NDUFA10: variants seen among roughly 807,000 people sequenced by gnomAD.
The protein encoded by NDUFA10 is NADH:ubiquinone oxidoreductase subunit A10.
In NDUFA10, 40 loss-of-function variants were observed where a neutral mutation model predicts 47.8. The ratio of observed to expected loss-of-function variants is 0.84; its 90% CI spans 0.65 to 1.09. The LOEUF (loss-of-function observed/expected upper bound fraction) is 1.09, where lower values mean the gene tolerates loss of function less well. Ranked by LOEUF, NDUFA10 falls within the 50% of genes least tolerant of loss-of-function variation. NDUFA10 has a pLI of 0.00. For missense variants in NDUFA10, 413 were observed against 451.1 expected (o/e 0.92, Z 0.76); for synonymous variants, 183 against 172.2 (o/e 1.06, Z -0.49).
At position 239,960,357 on chromosome 2, in the gene NDUFA10, C is replaced by G; in HGVS notation, c.*761G>C. 1 of 985,500 alleles carries G rather than the reference C, an allele frequency of 1.0e-6. No individual in the cohort carries two copies. Among genetic ancestry groups the G allele is most frequent in the Non-Finnish European group, 1.2e-6 (1 of 830,000 alleles). 61.0% of individuals were successfully genotyped at this position (985,500 alleles called of 1,614,324 possible). A position where few individuals can be genotyped will look rare whatever the true frequency, so the allele number is the denominator to read the frequency against. The stretch of plus-strand genomic sequence containing the variant: ...CTCATTTCTCAGTTTTGACTGGCAA[C>G]TTGATTTTCTGGGTAATAAAGAGAG... On this transcript the variant is annotated 3_prime_UTR_variant, in exon 10 of 10. Coordinates refer to ENST00000252711, the MANE Select transcript of NDUFA10 (RefSeq NM_004544.4).
At position 239,906,171 on chromosome 2, in the gene NDUFA10, C is replaced by T. The variant is rs1171285287; in HGVS notation, c.295-10857G>A. 6.6e-6 allele frequency among the ~76,000 whole-genome samples: 1 copy of T among 152,114 alleles called. No homozygotes were observed. The highest frequency in any genetic ancestry group is 1.5e-5 in the Non-Finnish European group (1 of 68,026). ...CTCTGTGCCTAGATATTTCACACTC[C>T]AGCACACCTTTTAACAAGAACCCCC... On this transcript the variant is annotated intron_variant, in intron 4 of 5. Transcript: ENST00000419408. This position sits in a 1 kb window ranked among gnomAD's most constrained non-coding sequence, Gnocchi z 4.3.
At chr2:239,909,612 C>A (rs548745951) in intron 4 of NDUFA10, among the ~76,000 whole-genome samples, 6 of 152,056 alleles carry the variant, frequency 3.9e-5, no homozygotes, top group African/African-American at 1.4e-4. Context: ...GACTCCATCT[C>A]AAAAACAAAA....
Position 239,960,308 on chromosome 2 carries a change from G to C in NDUFA10, c.*810C>G. 1 of 985,678 alleles carries C rather than the reference G, an allele frequency of 1.0e-6. No homozygotes were observed. The highest frequency in any genetic ancestry group is 1.2e-6 in the Non-Finnish European group (1 of 830,158). 61.1% of individuals were successfully genotyped at this position (985,678 alleles called of 1,614,324 possible). The stretch of plus-strand genomic sequence containing the variant: ...TGGTTTTCTAGGCTTCAACAGAGAT[G>C]AATAAAGAAATCTGATTTTCTTTCT... On this transcript the variant is annotated 3_prime_UTR_variant, in exon 10 of 10. Coordinates refer to ENST00000252711, the MANE Select transcript of NDUFA10 (RefSeq NM_004544.4).
intron 9 of NDUFA10, among the ~76,000 whole-genome samples, chr2:239,969,945 T>C (rs1295956932): frequency 1.3e-5 from 2 of 151,436 alleles, no homozygotes; most frequent in African/African-American, 4.9e-5. Context: ...TACATAAGAG[T>C]CCCCAAAAGG....
rs1290504776 is a variant in NDUFA10 at position 240,021,237 on chromosome 2, C to A, written c.420G>T (p.Leu140=). The A allele has an allele frequency of 6.2e-7, 1 of 1,614,086 alleles. No individual in the cohort carries two copies. Among genetic ancestry groups the A allele is most frequent in the Non-Finnish European group, 8.5e-7 (1 of 1,180,038 alleles). Residue 140 remains leucine (L), a synonymous_variant, in exon 3 of 10, where the codon CTG becomes CTT. Transcript: ENST00000252711. Reference sequence around the variant, plus strand: ...GCTCCAAGGCATCTGAGTACTGCAGCAGGCGACTGCTGTACAACCAGGACT... The same window carrying A: ...GCTCCAAGGCATCTGAGTACTGCAGAAGGCGACTGCTGTACAACCAGGACT... The part of the protein sequence containing the change: ...RLQSWLYSSR[L]LQYSDALEHL...
chr2:239,948,785 G>A lies in NDUFA10; in HGVS notation c.294+41289C>T, dbSNP rs905271610. Among the ~76,000 whole-genome samples, 4 of 152,352 alleles carry A rather than the reference G, an allele frequency of 2.6e-5. No individual in the cohort carries two copies. The South Asian group carries it at 8.3e-4, about 32-fold the overall frequency. ...ACAGAAAAAACTAGAGCCAGCCGAG[G>A]TGGCCCTCCCTCCTTGGGGACTTCA... On this transcript the variant is annotated intron_variant, in intron 4 of 5. Coordinates refer to the NDUFA10 transcript ENST00000419408.
At chr2:240,020,736 T>G (rs1697586178) in intron 3 of NDUFA10, among the ~76,000 whole-genome samples, 1 of 152,162 alleles carries the variant, frequency 6.6e-6, no homozygotes, top group African/African-American at 2.4e-5. Flanking sequence ...CTTATCAAGA[T>G]TCACGTCTGC....
At chr2:239,978,299 T>C (rs1444092330) in intron 9 of NDUFA10, among the ~76,000 whole-genome samples, 1 of 152,194 alleles carries the variant, frequency 6.6e-6, no homozygotes. Context: ...ACCAGTCTCC[T>C]GACACTTCTC....
chr2:240,005,104 G>T, intron 8 of NDUFA10, 106 bp downstream of exon 8: 1 of 995,750 alleles, frequency 1.0e-6, no homozygotes, highest in Non-Finnish European at 1.6e-6. Context: ...TTGGGTTGGT[G>T]CTGCTAACAC....
chr2:240,015,829 G>T (rs1229747121), intron 4 of NDUFA10, among the ~76,000 whole-genome samples: 1 of 152,190 alleles, frequency 6.6e-6, no homozygotes, highest in South Asian at 2.1e-4. Flanking sequence ...AGATGGCCAT[G>T]CTAGGGTCCA....
intron 4 of NDUFA10, among the ~76,000 whole-genome samples, chr2:239,939,173 C>T (rs1243836741): frequency 6.6e-6 from 1 of 152,178 alleles, no homozygotes; most frequent in African/African-American, 2.4e-5. Flanking sequence ...ATGCCCCGGG[C>T]ACTGTCATGA....
At chr2:239,949,638 C>T (rs1559306561) in intron 4 of NDUFA10, among the ~76,000 whole-genome samples, 1 of 152,290 alleles carries the variant, frequency 6.6e-6, no homozygotes, top group South Asian at 2.1e-4. Flanking sequence ...GGACAACAGG[C>T]GCGTGCCACC....
chr2:239,924,430 AAAG>A (rs1694037594), intron 4 of NDUFA10, among the ~76,000 whole-genome samples: 1 of 152,110 alleles, frequency 6.6e-6, no homozygotes, highest in African/African-American at 2.4e-5. Context: ...GTAAACAGGT[AAAG>A]AAGAAAAACT....
chr2:239,920,768 C>T (rs1431173203), intron 4 of NDUFA10, among the ~76,000 whole-genome samples: 1 of 152,178 alleles, frequency 6.6e-6, no homozygotes, highest in Non-Finnish European at 1.5e-5. Flanking sequence ...GCTTTTTCTG[C>T]AGAATCAGCC....
chr2:239,956,419 G>A (rs776959103), downstream of NDUFA10, among the ~76,000 whole-genome samples: 10 of 152,176 alleles, frequency 6.6e-5, no homozygotes, highest in Non-Finnish European at 1.2e-4. Flanking sequence ...AGCACGTGGG[G>A]TCCTACCCGC....
In NDUFA10 at chr2:240,013,315, T is replaced by C. The variant is rs1046273458; in HGVS notation, c.669+1424A>G. The C allele has an allele frequency of 2.0e-5, 3 of 152,242 alleles. 1 individual carries two copies. Among genetic ancestry groups the C allele is most frequent in the Non-Finnish European group, 4.4e-5 (3 of 68,040 alleles). 9.4% of individuals were successfully genotyped at this position (152,242 alleles called of 1,614,324 possible). A position where few individuals can be genotyped will look rare whatever the true frequency, so the allele number is the denominator to read the frequency against. On this transcript the variant is annotated intron_variant, in intron 5 of 9. Coordinates refer to ENST00000252711, the MANE Select transcript of NDUFA10 (RefSeq NM_004544.4). The stretch of plus-strand genomic sequence containing the variant: ...GGGGTAATTTTACCTGATGACAGTA[T>C]TGAAGACTTTACTTGGAAAAATTAA...
chr2:239,907,906 C>T (rs886515984), intron 4 of NDUFA10, among the ~76,000 whole-genome samples: 1 of 152,060 alleles, frequency 6.6e-6, no homozygotes, highest in African/African-American at 2.4e-5. Context: ...GGCATATACC[C>T]AAAGGAATAT....
At chr2:239,957,076 CCCTCCT>C (rs1334914557), downstream of NDUFA10, among the ~76,000 whole-genome samples, 22 of 152,324 alleles carry the variant, frequency 1.4e-4, no homozygotes, top group African/African-American at 5.3e-4. Flanking sequence ...TCAGGCCAGA[CCCTCCT>C]TGCGGCTCAG....
intron 4 of NDUFA10, among the ~76,000 whole-genome samples, chr2:239,901,773 AG>A (rs1693555449): frequency 6.6e-6 from 1 of 151,588 alleles, no homozygotes; most frequent in African/African-American, 2.4e-5. Flanking sequence ...GATTCATGGG[AG>A]GAAGTCAAAA....
Sources: gnomAD v4.1 joint callset for allele counts (sites outside exome capture counted in the v4.1 genomes callset) on GRCh38, gnomAD v4.1.1 for gene constraint, Gnocchi (gnomAD v3.1) non-coding constraint, MANE v1.5 for transcripts, NCBI Gene and HGNC (gene_info 2026-07-23, HGNC 2026-07-21) for gene names.